VIT: variants seen among roughly 807,000 people sequenced by gnomAD.
VIT encodes the protein vitrin.
VIT carries 99 observed loss-of-function variants against 78.0 expected under a neutral mutation model. That is an observed-to-expected ratio of 1.27 (90% CI 1.08 to 1.50). The LOEUF (loss-of-function observed/expected upper bound fraction) is 1.50, where lower values mean the gene tolerates loss of function less well. Ranked by LOEUF, VIT falls within the 40% of genes most tolerant of loss-of-function variation. The pLI is 0.00. For synonymous variants in VIT, 374 were observed against 334.3 expected (o/e 1.12, Z -1.29); for missense variants, 1,126 against 875.3 (o/e 1.29, Z -3.61).
intron 12 of VIT, among the ~76,000 whole-genome samples, chr2:36,792,707 G>A (rs1665588123): frequency 6.6e-6 from 1 of 152,114 alleles, no homozygotes; most frequent in South Asian, 2.1e-4. Context: ...CAACCAGAGT[G>A]AAGACCGGAA....
intron 6 of VIT, 22 bp from the exon 7 acceptor site, chr2:36,767,072 G>A: frequency 6.4e-7 from 1 of 1,558,174 alleles, no homozygotes; most frequent in South Asian, 1.2e-5. Context: ...GTGGGCCTTG[G>A]TATAATTCCA....
intron 15 of VIT, among the ~76,000 whole-genome samples, chr2:36,809,629 G>T (rs1001994985): frequency 6.6e-6 from 1 of 152,156 alleles, no homozygotes; most frequent in East Asian, 1.9e-4. Flanking sequence ...TGTTGGTCAC[G>T]ATGGTCTCGA....
chr2:36,782,288 C>T (rs1245602138), intron 10 of VIT, among the ~76,000 whole-genome samples: 3 of 152,160 alleles, frequency 2.0e-5, no homozygotes, highest in Admixed American at 2.0e-4. Flanking sequence ...GTACTTCTCC[C>T]CTTCCTCCAA....
chr2:36,764,740 A>G (rs2148578457), intron 6 of VIT, among the ~76,000 whole-genome samples: 1 of 152,290 alleles, frequency 6.6e-6, no homozygotes, highest in East Asian at 1.9e-4. Context: ...TGATTCCTGC[A>G]AAAGACGGCA....
At chr2:36,750,434 C>T (rs10207138) in intron 4 of VIT, among the ~76,000 whole-genome samples, 63,126 of 152,000 alleles carry the variant, frequency 0.42, 13,248 homozygotes, top group Admixed American at 0.5. Flanking sequence ...TTCTTGCTTC[C>T]TCTGGCACTT....
chr2:36,727,114 A>G (rs574250326), intron 2 of VIT, among the ~76,000 whole-genome samples: 2 of 152,312 alleles, frequency 1.3e-5, no homozygotes, highest in Non-Finnish European at 2.9e-5. Context: ...GATGGGACAC[A>G]GAACCAGGGC....
At chr2:36,755,756 T>C (rs751105191) in intron 5 of VIT, among the ~76,000 whole-genome samples, 5 of 152,204 alleles carry the variant, frequency 3.3e-5, no homozygotes, top group African/African-American at 4.8e-5. Flanking sequence ...CTAGTGTTCT[T>C]ATATAAAGAA....
intron 7 of VIT, among the ~76,000 whole-genome samples, chr2:36,768,678 C>T (rs1038785607): frequency 6.6e-6 from 1 of 152,172 alleles, no homozygotes; most frequent in East Asian, 1.9e-4. Context: ...GCCTGGCTCT[C>T]CTCTTCCTTG....
rs554223125 is a variant in VIT, at chr2:36,776,961, C to T, written c.802+1894C>T. Among the ~76,000 whole-genome samples, 326 of 146,000 alleles carry T rather than the reference C, an allele frequency of 2.2e-3. 2 individuals are homozygous for T. The highest frequency in any genetic ancestry group is 0.022 in the Middle Eastern group (6 of 276). ...AAAATTAGCCAGGCGTGGTGGCGGG[C>T]GCCTGTAGTCCCAGCTACTTGGGAG... On this transcript the variant is annotated intron_variant, in intron 9 of 15. Transcript: ENST00000379242.
At chr2:36,802,218 G>T (rs1299771077) in intron 13 of VIT, among the ~76,000 whole-genome samples, 3 of 152,128 alleles carry the variant, frequency 2.0e-5, no homozygotes, top group Non-Finnish European at 4.4e-5. Context: ...TTGGCCATTA[G>T]GAAACAGTTT....
chr2:36,726,944 A>G (rs907450044), intron 2 of VIT, among the ~76,000 whole-genome samples: 20 of 151,930 alleles, frequency 1.3e-4, no homozygotes, highest in African/African-American at 4.8e-4. Flanking sequence ...GCTCTATTTC[A>G]TCTTATGTGC....
chr2:36,765,954 C>T (rs1255658663), intron 6 of VIT, among the ~76,000 whole-genome samples: 1 of 152,244 alleles, frequency 6.6e-6, no homozygotes, highest in Non-Finnish European at 1.5e-5. Flanking sequence ...TGGCATGCCC[C>T]AATGGGGCCC....
rs556606109 is a variant in VIT, at chr2:36,713,710, C to A, written c.-18-2643C>A. 7.7e-4 allele frequency among the ~76,000 whole-genome samples: 117 copies of A among 152,168 alleles called. 1 individual carries two copies. Among genetic ancestry groups the A allele is most frequent in the Non-Finnish European group, 1.2e-3 (82 of 67,992 alleles). On this transcript the variant is annotated intron_variant, in intron 1 of 15. Transcript: ENST00000379242. ...TCTGGATAGACTTTGAATATAGCGC[C>A]AACAGGATTGGCTGGTGGAGAGCAC...
intron 3 of VIT, among the ~76,000 whole-genome samples, chr2:36,733,249 G>T (rs1007647482): frequency 3.9e-5 from 6 of 152,138 alleles, no homozygotes; most frequent in African/African-American, 1.4e-4. Context: ...AGCTCCCTCC[G>T]GTTGGACTGC....
In VIT at chr2:36,808,531, C is replaced by T. The variant is rs764405413; in HGVS notation, c.1449C>T (p.His483=). 1 of 1,614,004 alleles carries T rather than the reference C, an allele frequency of 6.2e-7. No individual in the cohort carries two copies. Among genetic ancestry groups the T allele is most frequent in the Non-Finnish European group, 8.5e-7 (1 of 1,179,986 alleles). The change falls in exon 15 of 16, where the codon CAC becomes CAT. Residue 483 remains histidine (H), a synonymous_variant. Transcript: ENST00000379242. ...ACGTGCAGAGCTGGTTTGGCCTCCA[C>T]AAGACCCTGCAGCCTCTGGTGAAGC... ...SLHVQSWFGL[H]KTLQPLVKRV...
chr2:36,781,756 G>A lies in VIT; in HGVS notation c.832G>A (p.Val278Ile), dbSNP rs1211577578. ...GATGGACTCATGGAAACCTGGATCG[G>A]TCCTTTTAGATGAAGGTAATTATAC... Reference protein sequence around the residue: ...GEMDSWKPGSVLLDEGLVPKE... With the variant: ...GEMDSWKPGSILLDEGLVPKE... Residue 278 changes from valine (V) to isoleucine (I), a missense_variant, in exon 10 of 16, where the codon GTC (valine) becomes ATC (isoleucine). Val to Ile is a conservative substitution (Grantham distance 29, BLOSUM62 3). Transcript: ENST00000379242. The A allele has an allele frequency of 6.2e-7, 1 of 1,614,106 alleles. No individual in the cohort carries two copies. Among genetic ancestry groups the A allele is most frequent in the South Asian group, 1.1e-5 (1 of 91,082 alleles).
chr2:36,772,952 C>G (rs1434971485), intron 7 of VIT, among the ~76,000 whole-genome samples: 1 of 152,198 alleles, frequency 6.6e-6, no homozygotes, highest in Non-Finnish European at 1.5e-5. Context: ...TGTTTTATCT[C>G]CCTTCTCCCT....
intron 12 of VIT, among the ~76,000 whole-genome samples, chr2:36,797,513 G>A (rs1175097306): frequency 6.6e-6 from 1 of 152,244 alleles, no homozygotes; most frequent in Non-Finnish European, 1.5e-5. Flanking sequence ...GAGTGAGTCA[G>A]AGAGGAAGGC....
At chr2:36,700,923 G>T (rs1200563799) in intron 1 of VIT, among the ~76,000 whole-genome samples, 2 of 152,006 alleles carry the variant, frequency 1.3e-5, no homozygotes, top group African/African-American at 4.8e-5. Flanking sequence ...TGTGTAAGTT[G>T]TCCGAAGCCA....
Sources: gnomAD v4.1 joint callset for allele counts (sites outside exome capture counted in the v4.1 genomes callset) on GRCh38, gnomAD v4.1.1 for gene constraint, MANE v1.5 for transcripts, NCBI Gene and HGNC (gene_info 2026-07-23, HGNC 2026-07-21) for gene names.